The following ADARB2 variants were observed in gnomAD, a reference collection of about 807,000 sequenced individuals.
ADARB2 encodes the protein adenosine deaminase RNA specific B2 (inactive), also known as inactive double-stranded RNA-specific editase B2.
ADARB2 carries 25 observed loss-of-function variants against 62.2 expected under a neutral mutation model. The observed-to-expected ratio is 0.40, with a 90% confidence interval of 0.29 to 0.56. The LOEUF is 0.56. Among genes scored for constraint, ADARB2 ranks in the 20% least tolerant of loss-of-function variants. The probability of loss-of-function intolerance (pLI) is 0.43; values close to 1 mark genes in which losing one functional copy is unlikely to be tolerated. For synonymous variants in ADARB2, 572 were observed against 500.8 expected, an observed-to-expected ratio of 1.14 and a Z score of -1.90; for missense variants, 1,071 against 1,077.4, an observed-to-expected ratio of 0.99 and a Z score of 0.08.
intron 1 of ADARB2, among the ~76,000 whole-genome samples, chr10:1,379,849 C>T (rs781031112): frequency 6.6e-6 from 1 of 152,160 alleles, no homozygotes; most frequent in Non-Finnish European, 1.5e-5. Context: ...GTGAGTGCAG[C>T]ACAGCTGTGG....
chr10:1,522,160 C>A (rs1564316140), intron 1 of ADARB2, among the ~76,000 whole-genome samples: 1 of 152,130 alleles, frequency 6.6e-6, no homozygotes, highest in Non-Finnish European at 1.5e-5. Context: ...AGTGTTGAGA[C>A]CCTGCCTTTG....
At chr10:1,286,288 A>G (rs1831413698) in intron 3 of ADARB2, among the ~76,000 whole-genome samples, 1 of 152,192 alleles carries the variant, frequency 6.6e-6, no homozygotes, top group Non-Finnish European at 1.5e-5. Flanking sequence ...CTCCGGGATA[A>G]TCAGAGAAAA....
rs10526252 is a variant in ADARB2, at chr10:1,544,956, T to TATATACACACACACACACACAC, written c.101-165797_101-165796insGTGTGTGTGTGTGTGTGTATAT. ...ATGTGAAGTCTATAATAGCAAAGTA[T>TATATACACACACACACACACAC]ACACACACACACACACACACACACA... On this transcript the variant is annotated intron_variant, in intron 1 of 9. Coordinates refer to ENST00000381312, the MANE Select transcript of ADARB2 (RefSeq NM_018702.4). Among the ~76,000 whole-genome samples, 30 of 133,934 alleles carry TATATACACACACACACACACAC rather than the reference T, an allele frequency of 2.2e-4. 1 individual carries two copies. Among genetic ancestry groups the TATATACACACACACACACACAC allele is most frequent in the Middle Eastern group, 3.9e-3 (1 of 256 alleles). 87.9% of individuals were successfully genotyped at this position (133,934 alleles called of 152,430 possible). A position where few individuals can be genotyped will look rare whatever the true frequency, so the allele number is the denominator to read the frequency against.
Position 1,242,251 on chromosome 10 carries a change from T to A in ADARB2, c.1241A>T (p.Lys414Met). ...AQVVALSSGT[K>M]CISGEHLSDQ... ...ACTGAGGTGCTCGCCGCTGATGCAC[T>A]TGGTCCCCGAGGACAGGGCCACGAC... Residue 414 changes from lysine (K) to methionine (M), a missense_variant, in exon 5 of 10, where the codon AAG becomes ATG. By Grantham distance (95) the Lys-to-Met change is moderately conservative (BLOSUM62 -1). Transcript: ENST00000381312. 1 of 1,588,712 alleles carries A rather than the reference T, an allele frequency of 6.3e-7. No individual in the cohort carries two copies. Among genetic ancestry groups the A allele is most frequent in the Non-Finnish European group, 8.6e-7 (1 of 1,169,116 alleles).
intron 7 of ADARB2, among the ~76,000 whole-genome samples, chr10:1,214,540 C>T (rs1837206941): frequency 6.6e-6 from 1 of 152,016 alleles, no homozygotes; most frequent in Admixed American, 6.5e-5. Context: ...GGGTTTGCAC[C>T]TGTGCCTGGA....
intron 3 of ADARB2, among the ~76,000 whole-genome samples, chr10:1,321,081 G>T (rs1403155868): frequency 6.6e-6 from 1 of 152,120 alleles, no homozygotes; most frequent in African/African-American, 2.4e-5. Context: ...TCATACTGAG[G>T]TACCATATGA....
At chr10:1,253,664 C>T (rs561598175) in intron 4 of ADARB2, among the ~76,000 whole-genome samples, 76 of 152,302 alleles carry the variant, frequency 5.0e-4, no homozygotes, top group African/African-American at 1.7e-3. Flanking sequence ...CAGAAACTGT[C>T]TGTGGTTGGG....
At chr10:1,517,629 G>A (rs751070529) in intron 1 of ADARB2, among the ~76,000 whole-genome samples, 16 of 152,088 alleles carry the variant, frequency 1.1e-4, no homozygotes, top group East Asian at 3.8e-4. Context: ...GTGTCACCTC[G>A]CTTAATAATG....
intron 8 of ADARB2, among the ~76,000 whole-genome samples, chr10:1,196,279 C>T (rs1342363810): frequency 6.6e-6 from 1 of 150,666 alleles, no homozygotes; most frequent in Non-Finnish European, 1.5e-5. Context: ...TGCAATCACC[C>T]TGAGGTATGG....
At chr10:1,599,774 T>C (rs922205155) in intron 1 of ADARB2, among the ~76,000 whole-genome samples, 7 of 152,154 alleles carry the variant, frequency 4.6e-5, no homozygotes, top group African/African-American at 1.4e-4. Context: ...AGGGTGCTGC[T>C]CTGTTGCCGA....
chr10:1,524,139 CTT>C (rs1832110622), intron 1 of ADARB2, among the ~76,000 whole-genome samples: 2 of 152,054 alleles, frequency 1.3e-5, no homozygotes, highest in African/African-American at 4.8e-5. Context: ...GTAGATAATT[CTT>C]TGTCACTATC....
rs549598588 is a variant in ADARB2 at position 1,392,839 on chromosome 10, A to G, written c.101-13679T>C. 3.9e-5 allele frequency among the ~76,000 whole-genome samples: 6 copies of G among 152,322 alleles called. No individual in the cohort carries two copies. In the East Asian group the frequency reaches 1.2e-3, roughly 29 times the overall value. ...GGCCTGCGGTGTCAGCCACATGTTCACTGTCATGGGCTGAATGATATCCTA... is the reference window on the plus strand; with the variant it reads ...GGCCTGCGGTGTCAGCCACATGTTCGCTGTCATGGGCTGAATGATATCCTA... On this transcript the variant is annotated intron_variant, in intron 1 of 9. Transcript: ENST00000381312.
intron 1 of ADARB2, among the ~76,000 whole-genome samples, chr10:1,668,798 C>T (rs11816991): frequency 4.6e-5 from 7 of 152,330 alleles, no homozygotes; most frequent in Admixed American, 2.0e-4. Context: ...CTAATCTGTT[C>T]GAGAGCTTTC....
At chr10:1,188,160 G>T (rs1429668235) in intron 8 of ADARB2, 1 of 152,618 alleles carries the variant, frequency 6.6e-6, no homozygotes, top group Non-Finnish European at 1.5e-5. Flanking sequence ...TTACCGCTCT[G>T]TGACAGGTGA....
At chr10:1,251,912 C>T (rs988175266) in intron 4 of ADARB2, among the ~76,000 whole-genome samples, 1 of 152,152 alleles carries the variant, frequency 6.6e-6, no homozygotes, top group African/African-American at 2.4e-5. Context: ...AGAGTGCAGC[C>T]CTCTCGACAC....
In ADARB2 at chr10:1,722,954, C is replaced by T. The variant is rs146097851; in HGVS notation, c.100+14097G>A. ...ATACATGTGTACACACACACATACA[C>T]GCACACACAGGTGTGCACATACACA... On this transcript the variant is annotated intron_variant, in intron 1 of 9. Transcript: ENST00000381312. Among the ~76,000 whole-genome samples, 195 of 152,310 alleles carry T rather than the reference C, an allele frequency of 1.3e-3. 1 individual carries two copies. Among genetic ancestry groups the T allele is most frequent in the African/African-American group, 4.5e-3 (186 of 41,564 alleles).
chr10:1,610,107 C>A (rs1395462242), intron 1 of ADARB2, among the ~76,000 whole-genome samples: 1 of 152,006 alleles, frequency 6.6e-6, no homozygotes, highest in Non-Finnish European at 1.5e-5. Context: ...TTATGAGAGG[C>A]CCAATAGGTC....
At chr10:1,232,575 T>G (rs1277401369) in intron 6 of ADARB2, among the ~76,000 whole-genome samples, 1 of 146,852 alleles carries the variant, frequency 6.8e-6, no homozygotes, top group Non-Finnish European at 1.5e-5. Flanking sequence ...ATGTGTGTGG[T>G]GTGTGGTATG....
intron 1 of ADARB2, chr10:1,676,179 G>A: frequency 2.7e-6 from 1 of 364,286 alleles, no homozygotes; most frequent in Non-Finnish European, 3.8e-6. Flanking sequence ...ATCGGTAGTT[G>A]GGAAATTATT....
Sources: gnomAD v4.1 joint callset for allele counts (sites outside exome capture counted in the v4.1 genomes callset) on GRCh38, gnomAD v4.1.1 for gene constraint, MANE v1.5 for transcripts, NCBI Gene and HGNC (gene_info 2026-07-23, HGNC 2026-07-21) for gene names.